The following AKT3 variants were observed in gnomAD, a reference collection of about 807,000 sequenced individuals.
The protein encoded by AKT3 is RAC-gamma serine/threonine-protein kinase.
A neutral mutation model predicts 65.3 loss-of-function variants in AKT3; 15 were observed. That is an observed-to-expected ratio of 0.23 (90% confidence interval 0.15 to 0.35). The LOEUF is 0.35. Among genes scored for constraint, AKT3 ranks in the 10% least tolerant of loss-of-function variants. The pLI is 1.00. For synonymous variants in AKT3, 206 were observed against 183.8 expected (o/e 1.12, Z -0.98); for missense variants, 243 against 576.5 (o/e 0.42, Z 5.92).
In AKT3 at chr1:243,503,440, C is replaced by T. The variant is rs760118113; in HGVS notation, c.*1809G>A. 1 of 233,284 alleles carries T rather than the reference C, an allele frequency of 4.3e-6. No individual in the cohort carries two copies. Among genetic ancestry groups the T allele is most frequent in the African/African-American group, 2.2e-5 (1 of 45,270 alleles). The allele number at this position is 233,284 out of a possible 1,614,324, so 14.5% of individuals were successfully genotyped here. On this transcript the variant is annotated 3_prime_UTR_variant, in exon 14 of 14. Coordinates refer to ENST00000673466, the MANE Select transcript of AKT3 (RefSeq NM_005465.7). ...AATACTACGTCATGCTGTAGTCTTCCGTTTGGGAGCTGTCAGAGTTTAACT... is the reference window on the plus strand; with the variant it reads ...AATACTACGTCATGCTGTAGTCTTCTGTTTGGGAGCTGTCAGAGTTTAACT...
intron 12 of AKT3, among the ~76,000 whole-genome samples, chr1:243,517,331 CTGAT>C (rs1476345677): frequency 6.6e-6 from 1 of 152,188 alleles, no homozygotes; most frequent in Non-Finnish European, 1.5e-5. Flanking sequence ...ATCAAGCTGA[CTGAT>C]AGTATTGCCC....
intron 12 of AKT3, among the ~76,000 whole-genome samples, chr1:243,533,455 T>C (rs1425640502): frequency 6.6e-6 from 1 of 152,206 alleles, no homozygotes; most frequent in Non-Finnish European, 1.5e-5. Flanking sequence ...AAAGTACCTA[T>C]GGCAATTGTA....
chr1:243,787,440 T>C (rs892894286), intron 2 of AKT3, among the ~76,000 whole-genome samples: 3 of 152,182 alleles, frequency 2.0e-5, no homozygotes, highest in Non-Finnish European at 2.9e-5. Context: ...ATTTGAGATA[T>C]AGCTGTTTCC....
chr1:243,726,177 C>T (rs1687198566), intron 2 of AKT3, among the ~76,000 whole-genome samples: 1 of 152,146 alleles, frequency 6.6e-6, no homozygotes. Flanking sequence ...ATTTAGAATT[C>T]CAACTGGAGG....
chr1:243,829,684 A>G (rs1477228839), intron 2 of AKT3, among the ~76,000 whole-genome samples: 1 of 152,208 alleles, frequency 6.6e-6, no homozygotes, highest in African/African-American at 2.4e-5. Flanking sequence ...ACAATGGCAA[A>G]AACTAGAAAG....
chr1:243,850,506 T>G (rs937641739), upstream of AKT3, among the ~76,000 whole-genome samples: 1 of 150,946 alleles, frequency 6.6e-6, no homozygotes, highest in Admixed American at 6.6e-5. Context: ...TTCTGCGGCC[T>G]CCTCCCGGGC....
At position 243,649,348 on chromosome 1, in the gene AKT3, T is replaced by C. The variant is rs1004011857; in HGVS notation, c.285-3311A>G. Among the ~76,000 whole-genome samples, 11 of 150,662 alleles carry C rather than the reference T, an allele frequency of 7.3e-5. No homozygotes were observed. In the East Asian group the frequency reaches 9.7e-4, roughly 13 times the overall value. On this transcript the variant is annotated intron_variant, in intron 4 of 13. Transcript: ENST00000673466. ...GTGTGTGTGTGTGTGTGTGTGTGTGTGTGTGTGTGTATGTTGGGTGTGTGT... is the reference window on the plus strand; with the variant it reads ...GTGTGTGTGTGTGTGTGTGTGTGTGCGTGTGTGTGTATGTTGGGTGTGTGT...
At chr1:243,682,965 C>A (rs933843172) in intron 3 of AKT3, among the ~76,000 whole-genome samples, 1 of 152,164 alleles carries the variant, frequency 6.6e-6, no homozygotes, top group Non-Finnish European at 1.5e-5. Context: ...CATAAAACAT[C>A]TCAAAATACC....
At chr1:243,529,811 GT>G (rs942838157) in intron 12 of AKT3, among the ~76,000 whole-genome samples, 4 of 151,038 alleles carry the variant, frequency 2.6e-5, no homozygotes, top group Non-Finnish European at 4.4e-5. Context: ...AAATAGTTTG[GT>G]TTTTTTTTCT....
At chr1:243,808,454 A>G (rs1308236410) in intron 2 of AKT3, among the ~76,000 whole-genome samples, 1 of 152,226 alleles carries the variant, frequency 6.6e-6, no homozygotes, top group Non-Finnish European at 1.5e-5. Context: ...AATGAATGAA[A>G]TGAAGCGAGA....
chr1:243,811,392 C>T (rs975856830), intron 2 of AKT3, among the ~76,000 whole-genome samples: 1 of 151,416 alleles, frequency 6.6e-6, no homozygotes, highest in East Asian at 1.9e-4. Context: ...AGACAAACAG[C>T]CAAATTATGA....
At chr1:243,626,148 A>G (rs1281039639) in intron 6 of AKT3, among the ~76,000 whole-genome samples, 1 of 152,220 alleles carries the variant, frequency 6.6e-6, no homozygotes, top group Non-Finnish European at 1.5e-5. Context: ...TAACTGCTGC[A>G]AAATCTATCA....
intron 8 of AKT3, among the ~76,000 whole-genome samples, chr1:243,597,307 G>A (rs779093967): frequency 1.3e-5 from 2 of 152,072 alleles, no homozygotes. Context: ...ATAATTAGTA[G>A]GCAACAAGTA....
At chr1:243,841,118 A>T (rs973851368) in intron 2 of AKT3, among the ~76,000 whole-genome samples, 1 of 152,184 alleles carries the variant, frequency 6.6e-6, no homozygotes, top group South Asian at 2.1e-4. Context: ...AAACACATAC[A>T]CATACACATC....
chr1:243,690,729 T>G (rs983959116), intron 3 of AKT3, among the ~76,000 whole-genome samples: 3 of 147,008 alleles, frequency 2.0e-5, no homozygotes, highest in Admixed American at 1.4e-4. Context: ...AATGTTATAA[T>G]ATAGGGGTGG....
At chr1:243,831,232 A>G (rs1339068779) in intron 2 of AKT3, among the ~76,000 whole-genome samples, 1 of 152,256 alleles carries the variant, frequency 6.6e-6, no homozygotes, top group Non-Finnish European at 1.5e-5. Flanking sequence ...CAAACTGTAC[A>G]AAATATAAAG....
In AKT3 at chr1:243,501,203, T is replaced by A; in HGVS notation, c.*4046A>T. ...ACAATAGTAGCTTTATGAGGTAAAA[T>A]CAGAAAAAGGCCCCATCCAGAATGA... On this transcript the variant is annotated 3_prime_UTR_variant, in exon 14 of 14. Transcript: ENST00000673466. The A allele has an allele frequency of 4.3e-6, 1 of 232,144 alleles. No homozygotes were observed. Among genetic ancestry groups the A allele is most frequent in the Non-Finnish European group, 8.5e-6 (1 of 117,426 alleles). 14.4% of individuals were successfully genotyped at this position (232,144 alleles called of 1,614,324 possible).
intron 1 of AKT3, among the ~76,000 whole-genome samples, chr1:243,847,985 T>C (rs566492292): frequency 4.5e-4 from 69 of 152,148 alleles, no homozygotes; most frequent in Admixed American, 9.2e-4. Context: ...TGAATACAAA[T>C]AATAATTTCA....
chr1:243,805,753 A>G (rs1449253361), intron 2 of AKT3, among the ~76,000 whole-genome samples: 25 of 152,144 alleles, frequency 1.6e-4, no homozygotes, highest in Non-Finnish European at 2.9e-5. Flanking sequence ...GGACTTCTCT[A>G]AAGAGGTCTC....
Sources: gnomAD v4.1 joint callset for allele counts (sites outside exome capture counted in the v4.1 genomes callset) on GRCh38, gnomAD v4.1.1 for gene constraint, MANE v1.5 for transcripts, NCBI Gene and HGNC (gene_info 2026-07-23, HGNC 2026-07-21) for gene names.